The following MCM9 variants were observed in gnomAD, a reference collection of about 807,000 sequenced individuals.
The protein encoded by MCM9 is minichromosome maintenance 9 homologous recombination repair factor, also known as DNA helicase MCM9.
Under a neutral mutation model 72.8 loss-of-function variants are expected in MCM9, and 55 were observed. The ratio of observed to expected loss-of-function variants is 0.76; its 90% CI spans 0.61 to 0.95. MCM9 has a LOEUF of 0.95. MCM9 is among the 40% of genes least tolerant of loss of function. MCM9 has a pLI of 0.00. For synonymous variants in MCM9, 480 were observed against 503.4 expected (o/e 0.95, Z 0.62); for missense variants, 1,279 against 1,377.0 (o/e 0.93, Z 1.13).
At chr6:118,898,327 T>C (rs1305281540) in intron 8 of MCM9, among the ~76,000 whole-genome samples, 1 of 152,186 alleles carries the variant, frequency 6.6e-6, no homozygotes. Flanking sequence ...CCTATGCCAG[T>C]CCACAAATGC....
intron 8 of MCM9, chr6:118,894,090 C>T (rs1272307397): frequency 2.6e-5 from 29 of 1,126,512 alleles, no homozygotes; most frequent in Non-Finnish European, 3.2e-5. Context: ...GTTTCCGAGT[C>T]CATTCCGGGA....
chr6:118,815,660 C>T lies in MCM9; in HGVS notation c.2596G>A (p.Val866Met). 5.8e-6 allele frequency: 9 copies of T among 1,549,918 alleles called. No individual in the cohort carries two copies. The highest frequency in any genetic ancestry group is 7.0e-6 in the Non-Finnish European group (8 of 1,146,838). ...AQKLCRNSTR[V>M]PAQCTVPSHP... ...GAAGGGACTGTGCACTGTGCAGGCACCCTGGTGCTATTTCTGCACAACTTC... is the reference window on the plus strand; with the variant it reads ...GAAGGGACTGTGCACTGTGCAGGCATCCTGGTGCTATTTCTGCACAACTTC... The change falls in exon 14 of 14, where the codon GTG (valine) becomes ATG (methionine). Residue 866 changes from valine (V) to methionine (M), a missense_variant. Transcript: ENST00000619706.
At chr6:118,868,916 G>C (rs1583483011) in intron 8 of MCM9, among the ~76,000 whole-genome samples, 1 of 152,126 alleles carries the variant, frequency 6.6e-6, no homozygotes, top group Non-Finnish European at 1.5e-5. Flanking sequence ...CCATTACTGG[G>C]TATATACCCA....
intron 3 of MCM9, among the ~76,000 whole-genome samples, chr6:118,928,008 T>G (rs934932630): frequency 1.3e-5 from 2 of 152,224 alleles, no homozygotes; most frequent in African/African-American, 4.8e-5. Context: ...TCCTGTTCTA[T>G]CAAGACTTCT....
intron 8 of MCM9, chr6:118,894,323 C>G: frequency 6.6e-7 from 1 of 1,514,702 alleles, no homozygotes; most frequent in Non-Finnish European, 8.8e-7. Context: ...GGCGCTGGAG[C>G]GGGGGTCTGC....
At chr6:118,835,662 G>A (rs992233124) in intron 9 of MCM9, among the ~76,000 whole-genome samples, 2 of 152,020 alleles carry the variant, frequency 1.3e-5, no homozygotes, top group Non-Finnish European at 2.9e-5. Context: ...GTCTATTACT[G>A]GTGTATAGCA....
Position 118,835,777 on chromosome 6 carries a change from C to T in MCM9, c.1326-6527G>A, listed in dbSNP as rs1774913020. On this transcript the variant is annotated intron_variant, in intron 9 of 13. Transcript: ENST00000619706. ...GAGACAATGGGGTTTTCCAAATATA[C>T]AATCATGTCATCTGCAGACAGAAAC... 2.6e-5 allele frequency among the ~76,000 whole-genome samples: 4 copies of T among 152,172 alleles called. No homozygotes were observed. The East Asian group carries it at 7.7e-4, about 29-fold the overall frequency.
At position 118,917,777 on chromosome 6, in the gene MCM9, AAGTG is replaced by A; in HGVS notation, c.704-20_704-17del. The stretch of plus-strand genomic sequence containing the variant: ...AGGTCATCACCTAGGAAAAAGCATC[AAGTG>A]AGTCCAGCAGTAGCATCCTGCATGC... On this transcript the variant is annotated splice_polypyrimidine_tract_variant and intron_variant, in intron 5 of 13. Transcript: ENST00000619706. The A allele has an allele frequency of 6.2e-7, 1 of 1,611,094 alleles. No individual in the cohort carries two copies.
At chr6:118,872,179 C>A (rs775221153) in intron 8 of MCM9, among the ~76,000 whole-genome samples, 18 of 150,042 alleles carry the variant, frequency 1.2e-4, no homozygotes, top group Non-Finnish European at 2.2e-4. Flanking sequence ...ATTAGCCACG[C>A]GTGGTGGTGG....
At chr6:118,899,772 T>C (rs563829067) in intron 8 of MCM9, among the ~76,000 whole-genome samples, 38 of 152,312 alleles carry the variant, frequency 2.5e-4, no homozygotes, top group African/African-American at 8.7e-4. Flanking sequence ...TGGCCACACA[T>C]GGTGGCACTA....
chr6:118,855,804 G>T (rs1776518983), intron 9 of MCM9, among the ~76,000 whole-genome samples: 1 of 152,172 alleles, frequency 6.6e-6, no homozygotes, highest in Admixed American at 6.5e-5. Flanking sequence ...GCCTGTGTGA[G>T]ATTTCTGTCT....
At chr6:118,869,038 G>T (rs1396235580) in intron 8 of MCM9, among the ~76,000 whole-genome samples, 1 of 152,194 alleles carries the variant, frequency 6.6e-6, no homozygotes, top group East Asian at 1.9e-4. Flanking sequence ...TGATAGACTG[G>T]ATTAAGAAAA....
At chr6:118,823,066 C>G (rs1460434132) in intron 13 of MCM9, among the ~76,000 whole-genome samples, 1 of 152,160 alleles carries the variant, frequency 6.6e-6, no homozygotes, top group Non-Finnish European at 1.5e-5. Context: ...GTGGGACCCA[C>G]TGAGACCATT....
intron 9 of MCM9, among the ~76,000 whole-genome samples, chr6:118,840,905 T>C (rs142986613): frequency 6.4e-4 from 97 of 152,132 alleles, no homozygotes; most frequent in African/African-American, 1.5e-3. Flanking sequence ...GCCTGGATAA[T>C]TGTACTTTCT....
At chr6:118,912,105 C>T (rs1780597636) in intron 7 of MCM9, 1 of 165,374 alleles carries the variant, frequency 6.0e-6, no homozygotes, top group Non-Finnish European at 1.3e-5. Context: ...GTCACTTGAG[C>T]CCGGAAATGT....
At chr6:118,836,930 A>G (rs1275920002) in intron 9 of MCM9, among the ~76,000 whole-genome samples, 1 of 151,804 alleles carries the variant, frequency 6.6e-6, no homozygotes, top group East Asian at 1.9e-4. Flanking sequence ...TAATTGTGAC[A>G]TAATTGCTTC....
Position 118,815,822 on chromosome 6 carries a change from C to T in MCM9, c.2434G>A (p.Ala812Thr), listed in dbSNP as rs187552949. 6.0e-5 allele frequency: 92 copies of T among 1,539,214 alleles called. 1 individual carries two copies. In the African/African-American group the frequency reaches 8.9e-4, roughly 15 times the overall value. Residue 812 changes from alanine (A) to threonine (T), a missense_variant, in exon 14 of 14, where the codon GCA becomes ACA. Ala to Thr is a moderately conservative substitution (Grantham distance 58). Transcript: ENST00000619706. ...TTCTTGTTACTTTCCACATTGTCTG[C>T]CCTCCATGGAACACCTGTCTCTCCT... is the stretch of plus-strand genomic sequence containing the variant. The part of the protein sequence containing the change: ...SPGETGVPWR[A>T]DNVESNKKKR...
intron 8 of MCM9, among the ~76,000 whole-genome samples, chr6:118,909,813 A>G (rs1780408558): frequency 6.6e-6 from 1 of 152,148 alleles, no homozygotes; most frequent in African/African-American, 2.4e-5. Flanking sequence ...TTTTACCATA[A>G]TCCATGGTAT....
chr6:118,905,234 TATA>T (rs1349523478), intron 8 of MCM9, among the ~76,000 whole-genome samples: 1 of 152,224 alleles, frequency 6.6e-6, no homozygotes. Context: ...GGGAAACTGG[TATA>T]ATAAACATTT....
Sources: allele counts gnomAD v4.1 joint callset (sites outside exome capture counted in the v4.1 genomes callset), GRCh38; gene constraint gnomAD v4.1.1; transcripts MANE v1.5; gene names NCBI Gene and HGNC (gene_info 2026-07-23, HGNC 2026-07-21).